Variants in PTPRM observed in about 807,000 individuals in gnomAD.
PTPRM encodes receptor-type tyrosine-protein phosphatase mu.
Under a neutral mutation model 186.7 loss-of-function variants are expected in PTPRM, and 47 were observed. The observed-to-expected ratio is 0.25, with a 90% CI of 0.20 to 0.32. The LOEUF is 0.32. PTPRM is among the 10% of genes least tolerant of loss of function. The pLI is 1.00. For missense variants in PTPRM, 1,494 were observed against 1,865.0 expected (o/e 0.80, Z 3.66); for synonymous variants, 668 against 674.9 (o/e 0.99, Z 0.16).
intron 14 of PTPRM, among the ~76,000 whole-genome samples, chr18:8,205,120 A>G (rs1352739641): frequency 2.6e-5 from 4 of 152,226 alleles, no homozygotes; most frequent in Non-Finnish European, 5.9e-5. Context: ...AAATATGTTC[A>G]TCATAAAAAA....
At chr18:7,625,997 C>G (rs893503147) in intron 1 of PTPRM, among the ~76,000 whole-genome samples, 1 of 152,154 alleles carries the variant, frequency 6.6e-6, no homozygotes, top group Non-Finnish European at 1.5e-5. Context: ...GTTTCAGCCT[C>G]TCAGCTTCAT....
At position 7,930,260 on chromosome 18, in the gene PTPRM, G is replaced by C. The variant is rs1599571447; in HGVS notation, c.663+3577G>C. Among the ~76,000 whole-genome samples, 3 of 152,028 alleles carry C rather than the reference G, an allele frequency of 2.0e-5. No homozygotes were observed. The South Asian group carries it at 6.2e-4, about 32-fold the overall frequency. On this transcript the variant is annotated intron_variant, in intron 5 of 32. Coordinates refer to ENST00000580170, the MANE Select transcript of PTPRM (RefSeq NM_001105244.2). ...ATTTTTTGTATTTTTTGTAGAAACAGGTTTTCACCATGTTGCCTAGGCTGG... is the reference window on the plus strand; with the variant it reads ...ATTTTTTGTATTTTTTGTAGAAACACGTTTTCACCATGTTGCCTAGGCTGG...
chr18:8,125,973 A>G (rs903544065), intron 13 of PTPRM, among the ~76,000 whole-genome samples: 21 of 84,070 alleles, frequency 2.5e-4, no homozygotes, highest in African/African-American at 7.1e-4. Context: ...ATGTGTGTGT[A>G]TACATATATA....
At chr18:8,185,028 T>A (rs991561568) in intron 14 of PTPRM, among the ~76,000 whole-genome samples, 2 of 152,160 alleles carry the variant, frequency 1.3e-5, no homozygotes, top group Non-Finnish European at 2.9e-5. Flanking sequence ...TTTTTAAGAG[T>A]AATAAGTTAG....
intron 23 of PTPRM, among the ~76,000 whole-genome samples, chr18:8,359,198 T>C (rs2095581838): frequency 6.6e-6 from 1 of 152,246 alleles, no homozygotes; most frequent in African/African-American, 2.4e-5. Flanking sequence ...TCTGACACTT[T>C]TGTGTCAGCC....
intron 1 of PTPRM, among the ~76,000 whole-genome samples, chr18:7,576,480 T>C (rs1324085498): frequency 1.3e-5 from 2 of 152,080 alleles, no homozygotes; most frequent in African/African-American, 4.8e-5. Context: ...TTTTTTGATT[T>C]TTTTTTCTCA....
At chr18:7,714,934 A>G (rs952728279) in intron 1 of PTPRM, among the ~76,000 whole-genome samples, 33 of 152,216 alleles carry the variant, frequency 2.2e-4, no homozygotes, top group African/African-American at 7.7e-4. Flanking sequence ...ATTCTACGAG[A>G]GGTACAAAGA....
At chr18:7,942,666 C>T (rs1294020116) in intron 5 of PTPRM, among the ~76,000 whole-genome samples, 1 of 152,024 alleles carries the variant, frequency 6.6e-6, no homozygotes, top group African/African-American at 2.4e-5. Flanking sequence ...AGGGAATGGT[C>T]TGCATGATCT....
intron 19 of PTPRM, among the ~76,000 whole-genome samples, chr18:8,261,443 A>G (rs1270469394): frequency 2.0e-5 from 3 of 152,180 alleles, no homozygotes; most frequent in Non-Finnish European, 4.4e-5. Flanking sequence ...GCTTCAAGCT[A>G]TTTGGGCAAG....
intron 6 of PTPRM, among the ~76,000 whole-genome samples, chr18:7,951,448 G>C (rs2052947712): frequency 2.0e-5 from 3 of 152,060 alleles, no homozygotes; most frequent in African/African-American, 7.2e-5. Context: ...TTCCCTTGTG[G>C]AAAAGTTAAT....
chr18:7,677,071 T>C (rs1243681410), intron 1 of PTPRM, among the ~76,000 whole-genome samples: 1 of 152,224 alleles, frequency 6.6e-6, no homozygotes, highest in African/African-American at 2.4e-5. Context: ...GCAGGCCAAG[T>C]GTAATATTCT....
At chr18:8,334,983 G>A (rs560341788) in intron 22 of PTPRM, among the ~76,000 whole-genome samples, 27 of 152,260 alleles carry the variant, frequency 1.8e-4, no homozygotes, top group Middle Eastern at 3.4e-3. Flanking sequence ...GGTGCCCCCC[G>A]TAGAGTCCGT....
At chr18:8,258,493 T>G (rs187791090) in intron 19 of PTPRM, among the ~76,000 whole-genome samples, 1 of 152,130 alleles carries the variant, frequency 6.6e-6, no homozygotes, top group African/African-American at 2.4e-5. Flanking sequence ...AACGTTGTGG[T>G]GATCCTGTGC....
At chr18:7,686,350 C>A (rs1209132078) in intron 1 of PTPRM, among the ~76,000 whole-genome samples, 1 of 152,074 alleles carries the variant, frequency 6.6e-6, no homozygotes, top group Non-Finnish European at 1.5e-5. Flanking sequence ...AAAAACTACT[C>A]AAAAAATGCA....
At chr18:7,963,122 G>A (rs184070124) in intron 7 of PTPRM, among the ~76,000 whole-genome samples, 1 of 152,388 alleles carries the variant, frequency 6.6e-6, no homozygotes, top group East Asian at 1.9e-4. Flanking sequence ...AAAAGGGCAT[G>A]AGGAGTACCT....
At chr18:8,063,902 C>T (rs1283224498) in intron 7 of PTPRM, among the ~76,000 whole-genome samples, 1 of 152,144 alleles carries the variant, frequency 6.6e-6, no homozygotes. Flanking sequence ...AGCATTTGGA[C>T]ATACTGCATT....
Position 7,659,101 on chromosome 18 carries a change from C to T in PTPRM, c.73+91210C>T, listed in dbSNP as rs182256296. ...GACCATATTTAAAATTGCAGGTATA[C>T]ACATGCACATGTATGTACACACACA... On this transcript the variant is annotated intron_variant, in intron 1 of 32. Coordinates refer to ENST00000580170, the MANE Select transcript of PTPRM (RefSeq NM_001105244.2). 1.9e-3 allele frequency among the ~76,000 whole-genome samples: 281 copies of T among 147,680 alleles called. 6 individuals carry two copies. The highest frequency in any genetic ancestry group is 0.018 in the Admixed American group (261 of 14,680).
At chr18:8,181,952 T>C (rs183296672) in intron 14 of PTPRM, among the ~76,000 whole-genome samples, 1 of 152,240 alleles carries the variant, frequency 6.6e-6, no homozygotes, top group African/African-American at 2.4e-5. Flanking sequence ...TGAAGATGAG[T>C]AGCATTTGTT....
chr18:8,016,874 G>A (rs754719616), intron 7 of PTPRM, among the ~76,000 whole-genome samples: 2 of 152,212 alleles, frequency 1.3e-5, no homozygotes, highest in South Asian at 2.1e-4. Context: ...GGCTTGAGGG[G>A]ATGCCTCTGC....
Sources: gnomAD v4.1 joint callset for allele counts (sites outside exome capture counted in the v4.1 genomes callset) on GRCh38, gnomAD v4.1.1 for gene constraint, MANE v1.5 for transcripts, NCBI Gene and HGNC (gene_info 2026-07-23, HGNC 2026-07-21) for gene names.